ARHGEF17: variants seen among roughly 807,000 people sequenced by gnomAD.
ARHGEF17 encodes Rho guanine nucleotide exchange factor 17, also known as 164 kDa Rho-specific guanine-nucleotide exchange factor.
In ARHGEF17, 80 loss-of-function variants were observed where a neutral mutation model predicts 174.0. The ratio of observed to expected loss-of-function variants is 0.46; its 90% CI spans 0.38 to 0.55. ARHGEF17 has a LOEUF of 0.55. ARHGEF17 is among the 20% of genes least tolerant of loss of function. The probability of loss-of-function intolerance (pLI) is 0.00; values close to 1 mark genes in which losing one functional copy is unlikely to be tolerated. For missense variants in ARHGEF17, 2,886 were observed against 2,839.7 expected, an observed-to-expected ratio of 1.02 and a Z score of -0.37; for synonymous variants, 1,311 against 1,189.1, an observed-to-expected ratio of 1.10 and a Z score of -2.11.
At chr11:73,319,813 G>A (rs1477192130) in intron 1 of ARHGEF17, among the ~76,000 whole-genome samples, 1 of 152,196 alleles carries the variant, frequency 6.6e-6, no homozygotes, top group Non-Finnish European at 1.5e-5. Flanking sequence ...GGTGGGTGAG[G>A]TCCAGAGGCA....
rs199662691 is a variant in ARHGEF17, at chr11:73,356,723, G to C, written c.3855G>C (p.Leu1285=). 1.5e-5 allele frequency: 25 copies of C among 1,614,066 alleles called. No individual in the cohort carries two copies. The highest frequency in any genetic ancestry group is 1.9e-5 in the Non-Finnish European group (22 of 1,180,036). ...CTGTCCCACAGCTCCAGGCCCCTCT[G>C]CGGCGGTTCCTGAGACAGGAGATGG... ...IEGMEDLQAP[L]RRFLRQEMVI... is the part of the protein sequence containing the mutation. Residue 1285 remains leucine (L), a synonymous_variant, in exon 7 of 21, where the codon CTG becomes CTC. Transcript: ENST00000263674.
chr11:73,325,294 T>G (rs1471129995), intron 1 of ARHGEF17, among the ~76,000 whole-genome samples: 1 of 152,132 alleles, frequency 6.6e-6, no homozygotes, highest in African/African-American at 2.4e-5. Context: ...GTTGAACTCT[T>G]GGGCCTCAGT....
In ARHGEF17 at chr11:73,365,919, C is replaced by T. The variant is rs1332080278; in HGVS notation, c.5967C>T (p.Cys1989=). Residue 1989 remains cysteine (C), a synonymous_variant, in exon 20 of 21, where the codon TGC becomes TGT. Transcript: ENST00000263674. The surrounding 1 kb of genome is among the most constrained non-coding windows in gnomAD (Gnocchi z 4.9). ...TGCCAGATGGCTTCAACCTGCTCTG[C>T]CCAACCCCACCACCTCCCCCAGACA... ...VQLPDGFNLL[C]PTPPPPPDTG... The T allele has an allele frequency of 6.2e-7, 1 of 1,605,140 alleles. No homozygotes were observed. The highest frequency in any genetic ancestry group is 1.7e-4 in the Middle Eastern group (1 of 6,038).
chr11:73,343,917 GC>G (rs1263530096), intron 1 of ARHGEF17, among the ~76,000 whole-genome samples: 1 of 152,200 alleles, frequency 6.6e-6, no homozygotes, highest in Non-Finnish European at 1.5e-5. Flanking sequence ...CTGGTTCTCA[GC>G]TGCGTGACCT....
chr11:73,342,732 C>T (rs1004052346), intron 1 of ARHGEF17, among the ~76,000 whole-genome samples: 1 of 151,698 alleles, frequency 6.6e-6, no homozygotes, highest in African/African-American at 2.4e-5. Flanking sequence ...TACATGTCGG[C>T]GCCTTTGTCC....
intron 7 of ARHGEF17, 82 bp from the exon 8 acceptor site, chr11:73,356,943 G>A (rs1939686845): frequency 2.6e-6 from 4 of 1,519,928 alleles, no homozygotes; most frequent in Admixed American, 3.5e-5. Context: ...CTGGGTCTCA[G>A]TGTCCCCTTG....
chr11:73,327,519 G>GA (rs1865121321), intron 1 of ARHGEF17, among the ~76,000 whole-genome samples: 1 of 152,238 alleles, frequency 6.6e-6, no homozygotes, highest in Non-Finnish European at 1.5e-5. Context: ...CCGCTTAGTA[G>GA]ACCAGCCTGC....
chr11:73,310,766 C>T lies in ARHGEF17; in HGVS notation c.2128C>T (p.Arg710Cys), dbSNP rs143536153. 145 of 1,611,384 alleles carry T rather than the reference C, an allele frequency of 9.0e-5. No homozygotes were observed. The highest frequency in any genetic ancestry group is 4.3e-4 in the South Asian group (39 of 91,034). The change falls in exon 1 of 21, where the codon CGC becomes TGC. Residue 710 changes from arginine to cysteine, a missense_variant. Arg to Cys is a radical substitution (Grantham distance 180). Transcript: ENST00000263674. Reference protein sequence around the residue: ...PPTPGALRRRRKVPPSGSGGS... With the variant: ...PPTPGALRRRCKVPPSGSGGS... ...CACACCAGGTGCCCTCCGCCGACGA[C>T]GCAAAGTCCCACCTTCAGGTTCTGG...
At chr11:73,363,540 G>A in intron 15 of ARHGEF17, 85 bp downstream of exon 15, 1 of 1,542,752 alleles carries the variant, frequency 6.5e-7, no homozygotes, top group Non-Finnish European at 8.7e-7. Flanking sequence ...TGGAGCCAAG[G>A]CAGGAGGGCT....
intron 1 of ARHGEF17, among the ~76,000 whole-genome samples, chr11:73,329,373 A>ATTTTTTTTTTTTT (rs1192905396): frequency 3.8e-4 from 5 of 13,166 alleles, no homozygotes; most frequent in African/African-American, 2.5e-3. Flanking sequence ...ATATATATAT[A>ATTTTTTTTTTTTT]TTTTTTTTTT....
intron 1 of ARHGEF17, among the ~76,000 whole-genome samples, chr11:73,313,496 A>G (rs2135786316): frequency 6.6e-6 from 1 of 152,344 alleles, no homozygotes; most frequent in Non-Finnish European, 1.5e-5. Flanking sequence ...TTTGAGACCC[A>G]GAGAGGAGGT....
rs1314773893 is a variant in ARHGEF17 at position 73,311,632 on chromosome 11, G to A, written c.2994G>A (p.Leu998=). 3.1e-6 allele frequency: 5 copies of A among 1,613,292 alleles called. No homozygotes were observed. The South Asian group carries it at 5.5e-5, about 18-fold the overall frequency. ...IGFPTRAHPT[L]QAPSLEDVTK... ...TCCCTACCCGAGCCCATCCCACGTT[G>A]CAGGCACCATCGCTCGAGGACGTCA... is the stretch of plus-strand genomic sequence containing the variant. The change falls in exon 1 of 21, where the codon TTG becomes TTA. Residue 998 remains leucine, a synonymous_variant. Coordinates refer to ENST00000263674, the MANE Select transcript of ARHGEF17 (RefSeq NM_014786.4).
chr11:73,357,727 G>T (rs1232652821), intron 9 of ARHGEF17, among the ~76,000 whole-genome samples: 1 of 152,232 alleles, frequency 6.6e-6, no homozygotes, highest in Non-Finnish European at 1.5e-5. Flanking sequence ...GCAAGCAAAG[G>T]GTTGATTGGA....
rs753166115 is a variant in ARHGEF17, at chr11:73,308,851, G to T, written c.213G>T (p.Gln71His). 60 of 1,341,052 alleles carry T rather than the reference G, an allele frequency of 4.5e-5. No homozygotes were observed. Among genetic ancestry groups the T allele is most frequent in the Admixed American group, 8.1e-5 (2 of 24,546 alleles). The allele number at this position is 1,341,052 out of a possible 1,614,324, so 83.1% of individuals were successfully genotyped here. A position where few individuals can be genotyped will look rare whatever the true frequency, so the allele number is the denominator to read the frequency against. ...LASGPLAAPAQPRPLRSLSPS... is the reference protein window; with the variant it reads ...LASGPLAAPAHPRPLRSLSPS... ...CTGGGCCCCTGGCCGCCCCCGCGCA[G>T]CCGCGCCCGCTCCGCAGCCTCTCGC... Residue 71 changes from glutamine (Q) to histidine (H), a missense_variant, in exon 1 of 21, where the codon CAG (glutamine) becomes CAT (histidine). Coordinates refer to ENST00000263674, the MANE Select transcript of ARHGEF17 (RefSeq NM_014786.4).
At chr11:73,345,285 C>T (rs376584911) in intron 1 of ARHGEF17, among the ~76,000 whole-genome samples, 2 of 152,106 alleles carry the variant, frequency 1.3e-5, no homozygotes, top group African/African-American at 2.4e-5. Context: ...CCTTCCCACC[C>T]GTCAGAGCCC....
chr11:73,323,347 C>T (rs1465584527), intron 1 of ARHGEF17, among the ~76,000 whole-genome samples: 2 of 152,204 alleles, frequency 1.3e-5, no homozygotes, highest in East Asian at 3.8e-4. Flanking sequence ...CTAGAATATG[C>T]AGGCTTTTGG....
Position 73,363,259 on chromosome 11 carries a change from G to A in ARHGEF17, c.5050G>A (p.Glu1684Lys), listed in dbSNP as rs1865778483. The A allele has an allele frequency of 6.2e-7, 1 of 1,608,762 alleles. No individual in the cohort carries two copies. Among genetic ancestry groups the A allele is most frequent in the Non-Finnish European group, 8.5e-7 (1 of 1,176,840 alleles). The change falls in exon 15 of 21, where the codon GAG (glutamate) becomes AAG (lysine). Residue 1684 changes from glutamate to lysine, a missense_variant. Glu to Lys is a moderately conservative substitution (Grantham distance 56). This residue lies in a region of ARHGEF17 where 476 missense variants were observed against 473.1 expected (regional missense o/e 1.01). Coordinates refer to ENST00000263674, the MANE Select transcript of ARHGEF17 (RefSeq NM_014786.4). ...CACGGCAGAGACCACCAGCTCAGAG[G>A]AGGAGCAGGAGCCAGGCTTCCTGCC... ...EATAETTSSE[E>K]EQEPGFLPLS... is the part of the protein sequence containing the mutation.
intron 1 of ARHGEF17, among the ~76,000 whole-genome samples, chr11:73,340,998 C>G (rs1254272249): frequency 6.6e-6 from 1 of 152,164 alleles, no homozygotes; most frequent in Non-Finnish European, 1.5e-5. Context: ...AACTGCTGGG[C>G]ATGTGGGGAG....
chr11:73,313,740 C>A (rs1200348721), intron 1 of ARHGEF17, among the ~76,000 whole-genome samples: 2 of 152,216 alleles, frequency 1.3e-5, no homozygotes, highest in Non-Finnish European at 2.9e-5. Flanking sequence ...ATTAGAAGAG[C>A]AGGGTGTGAG....
Sources: allele counts gnomAD v4.1 joint callset (sites outside exome capture counted in the v4.1 genomes callset), GRCh38; gene constraint gnomAD v4.1.1; regional missense constraint gnomAD v4.1.1; non-coding constraint Gnocchi (gnomAD v3.1); transcripts MANE v1.5; gene names NCBI Gene and HGNC (gene_info 2026-07-23, HGNC 2026-07-21).